Variants in CACNA1B observed in about 807,000 individuals in gnomAD.
The protein encoded by CACNA1B is calcium voltage-gated channel subunit alpha1 B.
Under a neutral mutation model 247.2 loss-of-function variants are expected in CACNA1B, and 70 were observed. That is an observed-to-expected ratio of 0.28 (90% CI 0.23 to 0.35). The LOEUF (loss-of-function observed/expected upper bound fraction) is 0.35. Ranked by LOEUF, CACNA1B falls within the 10% of genes least tolerant of loss-of-function variation. The pLI is 1.00. For synonymous variants in CACNA1B, 1,231 were observed against 1,294.4 expected (o/e 0.95, Z 1.05); for missense variants, 2,367 against 3,197.4 (o/e 0.74, Z 6.26).
At chr9:137,966,592 G>A (rs1958079467) in intron 10 of CACNA1B, among the ~76,000 whole-genome samples, 6 of 150,704 alleles carry the variant, frequency 4.0e-5, no homozygotes, top group Admixed American at 4.0e-4. Flanking sequence ...AGGCTGGAGT[G>A]CAGTGGTGCG....
Position 138,023,355 on chromosome 9 carries a change from C to T in CACNA1B, c.2612C>T (p.Ala871Val), listed in dbSNP as rs1160731211. 4 of 1,428,422 alleles carry T rather than the reference C, an allele frequency of 2.8e-6. No homozygotes were observed. The highest frequency in any genetic ancestry group is 2.7e-6 in the Non-Finnish European group (3 of 1,099,460). 88.5% of individuals were successfully genotyped at this position (1,428,422 alleles called of 1,614,324 possible). The change falls in exon 19 of 47, where the codon GCC becomes GTC. Residue 871 changes from alanine (A) to valine (V), a missense_variant. By Grantham distance (64) the Ala-to-Val change is moderately conservative. This residue lies in a region of CACNA1B where 631 missense variants were observed against 631.1 expected (regional missense o/e 1.00). Coordinates refer to ENST00000371372, the MANE Select transcript of CACNA1B (RefSeq NM_000718.4). ...PAAGDQDRAE[A>V]PKAESGEPGA... ...GCGGGGGACCAGGACCGAGCAGAGG[C>T]CCCGAAGGCGGAGAGCGGGGAGCCC...
In CACNA1B at chr9:138,073,586, C is replaced by T. The variant is rs765724914; in HGVS notation, c.4773C>T (p.Thr1591=). Reference sequence around the variant, plus strand: ...ACACCATCCGCATCCTGCTGTGGACCTTTGTCCAGTCCTTCAAGGTGGGCC... The same window carrying T: ...ACACCATCCGCATCCTGCTGTGGACTTTTGTCCAGTCCTTCAAGGTGGGCC... The part of the protein sequence containing the change: ...QGYTIRILLW[T]FVQSFKALPY... Residue 1591 remains threonine (T), a synonymous_variant, in exon 33 of 47, where the codon ACC becomes ACT. Coordinates refer to ENST00000371372, the MANE Select transcript of CACNA1B (RefSeq NM_000718.4). This position sits in a 1 kb window ranked among gnomAD's most constrained non-coding sequence, Gnocchi z 6.4. 1 of 1,605,874 alleles carries T rather than the reference C, an allele frequency of 6.2e-7. No individual in the cohort carries two copies. Among genetic ancestry groups the T allele is most frequent in the South Asian group, 1.1e-5 (1 of 90,906 alleles).
At position 138,023,708 on chromosome 9, in the gene CACNA1B, C is replaced by T. The variant is rs1322245746; in HGVS notation, c.2965C>T (p.His989Tyr). ...HRARHKAQPA[H>Y]EAVEKETTEK... ...GGCCCGGCACAAGGCGCAGCCTGCT[C>T]ACGAGGCTGTGGAGAAGGAGACCAC... Residue 989 changes from histidine to tyrosine, a missense_variant, in exon 19 of 47, where the codon CAC becomes TAC. His to Tyr is a moderately conservative substitution (Grantham distance 83). Around this residue, in one of 12 missense-constraint regions of CACNA1B, gnomAD observed 631 missense variants for 631.1 expected, o/e 1.00. Coordinates refer to ENST00000371372, the MANE Select transcript of CACNA1B (RefSeq NM_000718.4). 8 of 1,542,430 alleles carry T rather than the reference C, an allele frequency of 5.2e-6. No homozygotes were observed. The South Asian group carries it at 7.1e-5, about 14-fold the overall frequency.
intron 36 of CACNA1B, among the ~76,000 whole-genome samples, chr9:138,087,713 CAAAAAAAAAAAAAA>C (rs57138546): frequency 5.6e-5 from 2 of 35,456 alleles, no homozygotes; most frequent in Non-Finnish European, 1.3e-4. Context: ...GACTCCGTCT[CAAAAAAAAAAAAAA>C]AAAAAAAAAA....
chr9:138,075,425 A>G (rs117556178), intron 34 of CACNA1B, among the ~76,000 whole-genome samples: 2,174 of 152,338 alleles, frequency 0.014, 20 homozygotes, highest in Middle Eastern at 0.034. Context: ...GTACTATTGC[A>G]TATGTTTTAA....
rs74851409 is a variant in CACNA1B at position 137,914,595 on chromosome 9, C to A, written c.623-59C>A. The A allele has an allele frequency of 0.039, 58,016 of 1,494,546 alleles. 1,367 individuals are homozygous for A. The highest frequency in any genetic ancestry group is 0.086 in the South Asian group (7,139 of 83,024). 92.6% of individuals were successfully genotyped at this position (1,494,546 alleles called of 1,614,324 possible). On this transcript the variant is annotated intron_variant, in intron 4 of 46. Transcript: ENST00000371372. The surrounding 1 kb of genome is among the most constrained non-coding windows in gnomAD (Gnocchi z 4.3). ...CCTGCTGTTCTGTCCCTGCCCCCAC[C>A]AAATTCCTTGCCCTACCCTGCCCAC...
At chr9:138,000,252 C>T (rs564862778) in intron 15 of CACNA1B, among the ~76,000 whole-genome samples, 4 of 152,054 alleles carry the variant, frequency 2.6e-5, no homozygotes, top group Non-Finnish European at 5.9e-5. Flanking sequence ...GCGCCCGCCA[C>T]TACGCCCGGC....
rs1384583175 is a variant in CACNA1B at position 137,914,493 on chromosome 9, C to T, written c.623-161C>T. 4.6e-5 allele frequency among the ~76,000 whole-genome samples: 7 copies of T among 152,210 alleles called. No homozygotes were observed. Among genetic ancestry groups the T allele is most frequent in the Non-Finnish European group, 8.8e-5 (6 of 68,042 alleles). ...TACACAAGCACTCTCTGCCCCTCTGCGCCTTAAGGGGCTTCAGCTCTATCC... is the reference window on the plus strand; with the variant it reads ...TACACAAGCACTCTCTGCCCCTCTGTGCCTTAAGGGGCTTCAGCTCTATCC... On this transcript the variant is annotated intron_variant, in intron 4 of 46. Coordinates refer to ENST00000371372, the MANE Select transcript of CACNA1B (RefSeq NM_000718.4). This position sits in a 1 kb window ranked among gnomAD's most constrained non-coding sequence, Gnocchi z 4.3.
chr9:137,962,620 T>G (rs1033788418), intron 10 of CACNA1B, among the ~76,000 whole-genome samples: 1 of 152,216 alleles, frequency 6.6e-6, no homozygotes, highest in Non-Finnish European at 1.5e-5. Flanking sequence ...ACTTTTTGAT[T>G]TCTGCATTAA....
At chr9:137,992,791 C>T (rs1185060062) in intron 15 of CACNA1B, among the ~76,000 whole-genome samples, 11 of 131,166 alleles carry the variant, frequency 8.4e-5, no homozygotes, top group Admixed American at 1.4e-4. Context: ...AGCGAGACTC[C>T]GTCTCAAAAA....
chr9:137,934,092 A>G (rs1385244344), intron 6 of CACNA1B, among the ~76,000 whole-genome samples: 1 of 152,246 alleles, frequency 6.6e-6, no homozygotes, highest in African/African-American at 2.4e-5. Context: ...CCAGCTTACG[A>G]TAAGTATGCA....
Position 137,957,969 on chromosome 9 carries a change from T to C in CACNA1B, c.1333+282T>C, listed in dbSNP as rs922829701. ...TGCTGCCTCTGAGGCTGTTGTGTCATCCCCTACCTCTCAAATAGTACAAGG... is the reference window on the plus strand; with the variant it reads ...TGCTGCCTCTGAGGCTGTTGTGTCACCCCCTACCTCTCAAATAGTACAAGG... On this transcript the variant is annotated intron_variant, in intron 10 of 46. Transcript: ENST00000371372. This position sits in a 1 kb window ranked among gnomAD's most constrained non-coding sequence, Gnocchi z 4.7. 6.6e-6 allele frequency among the ~76,000 whole-genome samples: 1 copy of C among 152,166 alleles called. No individual in the cohort carries two copies. The highest frequency in any genetic ancestry group is 1.5e-5 in the Non-Finnish European group (1 of 68,028).
intron 20 of CACNA1B, among the ~76,000 whole-genome samples, chr9:138,040,310 A>G (rs1169946397): frequency 6.6e-6 from 1 of 151,746 alleles, no homozygotes; most frequent in Non-Finnish European, 1.5e-5. Flanking sequence ...GAGTGCACTC[A>G]TTGTTTCTGT....
chr9:138,022,961 C>T (rs1234138711), intron 18 of CACNA1B, 50 bp from the exon 19 acceptor site: 21 of 1,447,912 alleles, frequency 1.5e-5, no homozygotes, highest in Non-Finnish European at 1.9e-5. Context: ...CCCTGGAGAG[C>T]GGCGGGCGGG....
chr9:138,096,419 G>C, intron 36 of CACNA1B, 65 bp from the exon 37 acceptor site: 1 of 1,442,542 alleles, frequency 6.9e-7, no homozygotes, highest in South Asian at 1.2e-5. Context: ...GGAGAGTGGT[G>C]GGGGGCGGCG....
At chr9:137,911,411 A>C (rs1318937317) in intron 3 of CACNA1B, among the ~76,000 whole-genome samples, 2 of 151,588 alleles carry the variant, frequency 1.3e-5, no homozygotes, top group African/African-American at 4.9e-5. Context: ...TGAGATATTT[A>C]TCTTTTCTTT....
intron 10 of CACNA1B, among the ~76,000 whole-genome samples, chr9:137,968,148 C>T (rs553037894): frequency 9.2e-5 from 14 of 152,262 alleles, no homozygotes; most frequent in Admixed American, 5.2e-4. Flanking sequence ...CAGCAGACAC[C>T]GAGGATTCAC....
Position 138,023,358 on chromosome 9 carries a change from C to G in CACNA1B, c.2615C>G (p.Pro872Arg), listed in dbSNP as rs1373834536. ...GGGGACCAGGACCGAGCAGAGGCCC[C>G]GAAGGCGGAGAGCGGGGAGCCCGGT... ...AAGDQDRAEA[P>R]KAESGEPGAR... Residue 872 changes from proline (P) to arginine (R), a missense_variant, in exon 19 of 47, where the codon CCG becomes CGG. Coordinates refer to ENST00000371372, the MANE Select transcript of CACNA1B (RefSeq NM_000718.4). The G allele has an allele frequency of 1.5e-5, 22 of 1,423,666 alleles. No homozygotes were observed. Among genetic ancestry groups the G allele is most frequent in the Non-Finnish European group, 1.7e-5 (19 of 1,096,860 alleles). The allele number at this position is 1,423,666 out of a possible 1,614,324, so 88.2% of individuals were successfully genotyped here.
intron 34 of CACNA1B, among the ~76,000 whole-genome samples, 194 bp from the exon 35 acceptor site, chr9:138,075,623 CAT>C (rs1012835299): frequency 3.3e-5 from 5 of 152,226 alleles, no homozygotes; most frequent in Admixed American, 6.5e-5. Context: ...GGAGCCGGCA[CAT>C]GTGTAGCTAC....
Sources: allele counts gnomAD v4.1 joint callset (sites outside exome capture counted in the v4.1 genomes callset), GRCh38; gene constraint gnomAD v4.1.1; regional missense constraint gnomAD v4.1.1; non-coding constraint Gnocchi (gnomAD v3.1); transcripts MANE v1.5; gene names NCBI Gene and HGNC (gene_info 2026-07-23, HGNC 2026-07-21).